The following ADAMTS6 variants were observed in gnomAD, a reference collection of about 807,000 sequenced individuals.
The protein encoded by ADAMTS6 is ADAM metallopeptidase with thrombospondin type 1 motif 6, also known as A disintegrin and metalloproteinase with thrombospondin motifs 6.
ADAMTS6 carries 23 observed loss-of-function variants against 144.3 expected under a neutral mutation model. That is an observed-to-expected ratio of 0.16 (90% CI 0.11 to 0.23). ADAMTS6 has a LOEUF of 0.23. ADAMTS6 is among the 10% of genes least tolerant of loss of function. The pLI is 1.00. For synonymous variants in ADAMTS6, 444 were observed against 457.5 expected (o/e 0.97, Z 0.38); for missense variants, 999 against 1,379.6 (o/e 0.72, Z 4.37).
chr5:65,275,483 T>C (rs1580266127), intron 11 of ADAMTS6, among the ~76,000 whole-genome samples: 1 of 151,490 alleles, frequency 6.6e-6, no homozygotes, highest in Non-Finnish European at 1.5e-5. Context: ...AAAGGGATCA[T>C]GTACTGTGGA....
At chr5:65,344,123 G>C (rs760232981) in intron 7 of ADAMTS6, among the ~76,000 whole-genome samples, 1 of 151,768 alleles carries the variant, frequency 6.6e-6, no homozygotes, top group African/African-American at 2.4e-5. Flanking sequence ...CTTTTGCCCT[G>C]GCAAAACTGT....
At chr5:65,424,010 G>A (rs976450176) in intron 7 of ADAMTS6, among the ~76,000 whole-genome samples, 2 of 151,774 alleles carry the variant, frequency 1.3e-5, no homozygotes, top group Admixed American at 1.3e-4. Flanking sequence ...GCATTTATAA[G>A]AACTAAGTAG....
chr5:65,478,624 A>G (rs898206546), intron 1 of ADAMTS6, among the ~76,000 whole-genome samples: 63 of 152,194 alleles, frequency 4.1e-4, no homozygotes, highest in African/African-American at 1.4e-3. Context: ...CCCTTCCTTC[A>G]AAAATAGTTT....
intron 7 of ADAMTS6, among the ~76,000 whole-genome samples, chr5:65,371,208 G>A (rs910182562): frequency 6.6e-6 from 1 of 152,206 alleles, no homozygotes; most frequent in African/African-American, 2.4e-5. Flanking sequence ...CTAAAAAGCA[G>A]AGCACCTCTC....
chr5:65,235,491 T>C (rs951403179), intron 15 of ADAMTS6, among the ~76,000 whole-genome samples: 2 of 152,118 alleles, frequency 1.3e-5, no homozygotes, highest in African/African-American at 4.8e-5. Flanking sequence ...AGATTAACAT[T>C]TGAGTCAGTG....
intron 16 of ADAMTS6, among the ~76,000 whole-genome samples, chr5:65,225,750 T>C (rs1339911909): frequency 2.0e-5 from 3 of 152,228 alleles, no homozygotes; most frequent in East Asian, 3.8e-4. Flanking sequence ...GGTAGAAATA[T>C]GAATAAGAGC....
In ADAMTS6 at chr5:65,470,894, A is replaced by G. The variant is rs1216807754; in HGVS notation, c.346T>C (p.Trp116Arg). The stretch of plus-strand genomic sequence containing the variant: ...TTCCACTGGGGTCCATCTTTCCCCC[A>G]ATATTCTACTGTAAAATGTTTGGAC... ...FVSKHFTVEY[W>R]GKDGPQWKHD... The change falls in exon 3 of 25, where the codon TGG becomes CGG. Residue 116 changes from tryptophan to arginine, a missense_variant. By Grantham distance (101) the Trp-to-Arg change is moderately radical (BLOSUM62 -3). Coordinates refer to ENST00000381055, the MANE Select transcript of ADAMTS6 (RefSeq NM_197941.4). The G allele has an allele frequency of 6.2e-7, 1 of 1,611,706 alleles. No homozygotes were observed. Among genetic ancestry groups the G allele is most frequent in the Non-Finnish European group, 8.5e-7 (1 of 1,179,402 alleles).
intron 7 of ADAMTS6, among the ~76,000 whole-genome samples, chr5:65,403,760 C>T (rs569967210): frequency 6.6e-6 from 1 of 152,204 alleles, no homozygotes; most frequent in South Asian, 2.1e-4. Context: ...TTCCCACACA[C>T]ATATACAAAT....
At chr5:65,314,654 G>A (rs1744815784) in intron 9 of ADAMTS6, among the ~76,000 whole-genome samples, 1 of 151,922 alleles carries the variant, frequency 6.6e-6, no homozygotes, top group Admixed American at 6.6e-5. Context: ...AGAATACAGA[G>A]AAAAAATACA....
intron 23 of ADAMTS6, among the ~76,000 whole-genome samples, chr5:65,171,154 C>T (rs190486461): frequency 2.6e-5 from 4 of 152,130 alleles, no homozygotes. Flanking sequence ...GGACTACAGG[C>T]ACCCGCCACC....
intron 7 of ADAMTS6, among the ~76,000 whole-genome samples, chr5:65,365,058 C>T (rs562381370): frequency 2.6e-4 from 39 of 152,218 alleles, no homozygotes; most frequent in Admixed American, 6.5e-4. Context: ...TTAACTTGTA[C>T]TGAAACCAAA....
At chr5:65,191,210 TG>T (rs1377325221) in intron 21 of ADAMTS6, among the ~76,000 whole-genome samples, 17 of 152,146 alleles carry the variant, frequency 1.1e-4, no homozygotes, top group African/African-American at 4.1e-4. Flanking sequence ...GTGGGATTCA[TG>T]TTCGAGTGTC....
intron 7 of ADAMTS6, among the ~76,000 whole-genome samples, chr5:65,372,123 C>T (rs1025452324): frequency 4.0e-5 from 6 of 149,264 alleles, no homozygotes; most frequent in East Asian, 1.9e-4. Flanking sequence ...CTGAAGGAAG[C>T]GCTAAACATG....
At chr5:65,329,698 A>C (rs994270473) in intron 8 of ADAMTS6, among the ~76,000 whole-genome samples, 2 of 152,152 alleles carry the variant, frequency 1.3e-5, no homozygotes, top group Non-Finnish European at 2.9e-5. Flanking sequence ...TCAGTGCTGG[A>C]AAATGTCTAG....
chr5:65,348,527 T>C (rs1054155562), intron 7 of ADAMTS6, among the ~76,000 whole-genome samples: 17 of 152,232 alleles, frequency 1.1e-4, no homozygotes, highest in African/African-American at 4.1e-4. Context: ...TGGGGAGATA[T>C]TGATTATAGC....
rs1759482870 is a variant in ADAMTS6 at position 65,459,439 on chromosome 5, C to T, written c.631+731G>A. Among the ~76,000 whole-genome samples, 4 of 152,248 alleles carry T rather than the reference C, an allele frequency of 2.6e-5. No individual in the cohort carries two copies. In the South Asian group the frequency reaches 6.2e-4, roughly 24 times the overall value. ...CCAGTTTCATCTCTCACAACCACTT[C>T]CCCCAACCACTATGAACCTCACCTT... is the stretch of plus-strand genomic sequence containing the variant. On this transcript the variant is annotated intron_variant, in intron 4 of 24. Transcript: ENST00000381055.
intron 7 of ADAMTS6, among the ~76,000 whole-genome samples, chr5:65,416,762 A>G (rs1468119096): frequency 1.3e-5 from 2 of 150,878 alleles, no homozygotes; most frequent in South Asian, 4.2e-4. Flanking sequence ...AAAAAAAAAA[A>G]AAACCAACAA....
chr5:65,327,264 T>C (rs1407699069), intron 9 of ADAMTS6, among the ~76,000 whole-genome samples: 2 of 152,166 alleles, frequency 1.3e-5, no homozygotes, highest in Non-Finnish European at 2.9e-5. Flanking sequence ...ATACAGCCTG[T>C]ATGCCTGTGA....
intron 7 of ADAMTS6, among the ~76,000 whole-genome samples, chr5:65,342,575 T>C (rs1488127492): frequency 6.6e-6 from 1 of 152,080 alleles, no homozygotes; most frequent in Non-Finnish European, 1.5e-5. Context: ...AAAGGCCCTA[T>C]GTGACAAACC....
Sources: allele counts gnomAD v4.1 joint callset (sites outside exome capture counted in the v4.1 genomes callset), GRCh38; gene constraint gnomAD v4.1.1; transcripts MANE v1.5; gene names NCBI Gene and HGNC (gene_info 2026-07-23, HGNC 2026-07-21).